Variants in SLC5A8 observed in about 807,000 individuals in gnomAD.
The protein encoded by SLC5A8 is sodium-coupled monocarboxylate transporter 1.
A neutral mutation model predicts 71.9 loss-of-function variants in SLC5A8; 55 were observed. The ratio of observed to expected loss-of-function variants is 0.77; its 90% confidence interval spans 0.62 to 0.96. The LOEUF (loss-of-function observed/expected upper bound fraction) is 0.96. SLC5A8 is among the 40% of genes least tolerant of loss of function. SLC5A8 has a pLI of 0.00. For missense variants in SLC5A8, 701 were observed against 745.3 expected (o/e 0.94, Z 0.69); for synonymous variants, 307 against 276.1 (o/e 1.11, Z -1.11).
intron 13 of SLC5A8, among the ~76,000 whole-genome samples, chr12:101,161,178 A>T (rs1291733855): frequency 6.9e-6 from 1 of 144,356 alleles, no homozygotes; most frequent in African/African-American, 2.5e-5. Flanking sequence ...AGCATAAGAT[A>T]GATTAAATAA....
chr12:101,184,679 A>G (rs751202052), intron 7 of SLC5A8, among the ~76,000 whole-genome samples: 1 of 152,184 alleles, frequency 6.6e-6, no homozygotes, highest in Non-Finnish European at 1.5e-5. Context: ...GCATCCACTT[A>G]ACTTTACTTG....
intron 12 of SLC5A8, among the ~76,000 whole-genome samples, chr12:101,165,486 A>C (rs141848921): frequency 1.6e-4 from 24 of 151,990 alleles, no homozygotes; most frequent in African/African-American, 5.6e-4. Context: ...TGCTCTCCAC[A>C]TGTCCTTGCC....
chr12:101,162,053 A>G lies in SLC5A8; in HGVS notation c.1551T>C (p.Tyr517=), dbSNP rs779415147. Residue 517 remains tyrosine (Y), a synonymous_variant, in exon 13 of 15, where the codon TAT becomes TAC. Transcript: ENST00000536262. ...TGCTGAAGTACAGATATGATAAAGA[A>G]TACCAGTTATCCATCAGTGGAGTCC... is the stretch of plus-strand genomic sequence containing the variant. The part of the protein sequence containing the change: ...VQRTPLMDNW[Y]SLSYLYFSTV... 31 of 1,613,590 alleles carry G rather than the reference A, an allele frequency of 1.9e-5. No individual in the cohort carries two copies. Among genetic ancestry groups the G allele is most frequent in the South Asian group, 1.1e-5 (1 of 91,070 alleles).
At chr12:101,194,683 C>T (rs1869083459) in intron 4 of SLC5A8, among the ~76,000 whole-genome samples, 1 of 152,048 alleles carries the variant, frequency 6.6e-6, no homozygotes, top group South Asian at 2.1e-4. Flanking sequence ...CACTTTGTTG[C>T]CCAGGCTGGT....
intron 6 of SLC5A8, among the ~76,000 whole-genome samples, chr12:101,188,660 C>T (rs897380071): frequency 2.6e-5 from 4 of 152,310 alleles, no homozygotes; most frequent in Admixed American, 1.3e-4. Context: ...CTACATATAG[C>T]GATTCTCTGA....
chr12:101,180,154 A>C, intron 9 of SLC5A8, 58 bp from the exon 10 acceptor site: 1 of 1,517,810 alleles, frequency 6.6e-7, no homozygotes, highest in South Asian at 1.1e-5. Context: ...TAGAATTCTC[A>C]ATAGAATAAT....
At chr12:101,188,752 C>G (rs2137153351) in intron 6 of SLC5A8, among the ~76,000 whole-genome samples, 1 of 152,320 alleles carries the variant, frequency 6.6e-6, no homozygotes, top group Middle Eastern at 3.4e-3. Flanking sequence ...ATCCTTCTCC[C>G]TTGAATTGAC....
intron 6 of SLC5A8, among the ~76,000 whole-genome samples, chr12:101,187,972 C>A (rs1868732666): frequency 6.6e-6 from 1 of 152,158 alleles, no homozygotes; most frequent in Non-Finnish European, 1.5e-5. Flanking sequence ...TTTATAAGAC[C>A]ACACATTAAG....
At chr12:101,179,963 G>A in intron 10 of SLC5A8, 66 bp downstream of exon 10, 1 of 1,528,124 alleles carries the variant, frequency 6.5e-7, no homozygotes, top group Non-Finnish European at 9.1e-7. Context: ...CTGGAAGGAT[G>A]GTCACATCAA....
chr12:101,181,284 T>C (rs552322577), intron 9 of SLC5A8, among the ~76,000 whole-genome samples: 2 of 152,238 alleles, frequency 1.3e-5, no homozygotes, highest in Non-Finnish European at 2.9e-5. Flanking sequence ...ATATTTTCAA[T>C]ATATTTGGTT....
chr12:101,204,730 CTT>C (rs1869607084), intron 1 of SLC5A8, among the ~76,000 whole-genome samples, 165 bp from the exon 2 acceptor site: 1 of 152,106 alleles, frequency 6.6e-6, no homozygotes, highest in Non-Finnish European at 1.5e-5. Flanking sequence ...AAAATTGACT[CTT>C]TTGTTTTAGA....
Position 101,172,624 on chromosome 12 carries a change from C to T in SLC5A8, c.1234-4442G>A, listed in dbSNP as rs115526319. Among the ~76,000 whole-genome samples the T allele has an allele frequency of 4.7e-3, 708 of 152,084 alleles. 7 individuals carry two copies. Among genetic ancestry groups the T allele is most frequent in the African/African-American group, 0.016 (681 of 41,472 alleles). ...AAGGTCCTGTGTGGTGGGTAGGGAG[C>T]GAGGTGCTGTTGTGAACACTGTTGG... On this transcript the variant is annotated intron_variant, in intron 10 of 14. Transcript: ENST00000536262.
rs966679969 is a variant in SLC5A8 at position 101,166,639 on chromosome 12, G to A, written c.1381C>T (p.Gln461Ter). The stretch of plus-strand genomic sequence containing the variant: ...CTCTCAGGAAGTGGAGGATATATTT[G>A]AGCTCCAATTCCAACCCATAGAGAA... ...AISLWVGIGA[Q>*]IYPPLPERTL... Residue 461 changes from glutamine (Q) to a stop codon, truncating the protein, a stop_gained, in exon 12 of 15, where the codon CAA becomes TAA. Transcript: ENST00000536262. LOFTEE classifies it high-confidence loss of function. 1 of 1,613,598 alleles carries A rather than the reference G, an allele frequency of 6.2e-7. No individual in the cohort carries two copies. The highest frequency in any genetic ancestry group is 8.5e-7 in the Non-Finnish European group (1 of 1,179,910).
rs370487137 is a variant in SLC5A8 at position 101,199,599 on chromosome 12, A to G, written c.469+2565T>C. On this transcript the variant is annotated intron_variant, in intron 3 of 14. Transcript: ENST00000536262. Reference sequence around the variant, plus strand: ...ATAGAAAGTGAAAACTGAAACAACAATAAAATAATAGGTAATACCCACTAG... The same window carrying G: ...ATAGAAAGTGAAAACTGAAACAACAGTAAAATAATAGGTAATACCCACTAG... Among the ~76,000 whole-genome samples, 10 of 152,138 alleles carry G rather than the reference A, an allele frequency of 6.6e-5. No individual in the cohort carries two copies. In the East Asian group the frequency reaches 1.7e-3, roughly 26 times the overall value.
At chr12:101,160,013 C>T (rs1278371219) in intron 13 of SLC5A8, among the ~76,000 whole-genome samples, 1 of 152,172 alleles carries the variant, frequency 6.6e-6, no homozygotes, top group African/African-American at 2.4e-5. Context: ...GAAACCCCAT[C>T]TCTATTAAAA....
intron 8 of SLC5A8, 119 bp from the exon 9 acceptor site, chr12:101,183,034 G>GTTT (rs1566314961): frequency 3.7e-4 from 45 of 120,562 alleles, no homozygotes; most frequent in African/African-American, 6.5e-4. Flanking sequence ...TTTCTACTAT[G>GTTT]CTTTTTTTTT....
intron 7 of SLC5A8, among the ~76,000 whole-genome samples, chr12:101,184,532 AT>A (rs1868537155): frequency 2.0e-5 from 3 of 152,254 alleles, no homozygotes; most frequent in African/African-American, 7.2e-5. Context: ...GTAAAAGTTA[AT>A]TTAGATAATT....
intron 3 of SLC5A8, among the ~76,000 whole-genome samples, chr12:101,195,853 T>C (rs759494960): frequency 6.6e-6 from 1 of 151,922 alleles, no homozygotes; most frequent in Non-Finnish European, 1.5e-5. Flanking sequence ...CGCAGCACCA[T>C]GCCCAGCTAA....
At chr12:101,196,865 A>G (rs757001458) in intron 3 of SLC5A8, among the ~76,000 whole-genome samples, 1 of 152,196 alleles carries the variant, frequency 6.6e-6, no homozygotes, top group Admixed American at 6.5e-5. Context: ...TAACTGGGCC[A>G]CTCAACAGCC....
Sources: allele counts gnomAD v4.1 joint callset (sites outside exome capture counted in the v4.1 genomes callset), GRCh38; gene constraint gnomAD v4.1.1; transcripts MANE v1.5; gene names NCBI Gene and HGNC (gene_info 2026-07-23, HGNC 2026-07-21).